The following CCDC186 variants were observed in gnomAD, a reference collection of about 807,000 sequenced individuals.
CCDC186 encodes the protein coiled-coil domain-containing protein 186.
CCDC186 carries 49 observed loss-of-function variants against 113.7 expected under a neutral mutation model. The ratio of observed to expected loss-of-function variants is 0.43; its 90% CI spans 0.34 to 0.55. CCDC186 has a LOEUF of 0.55. CCDC186 is among the 20% of genes least tolerant of loss of function. The pLI is 0.02. For missense variants in CCDC186, 890 were observed against 1,011.1 expected (o/e 0.88, Z 1.62); for synonymous variants, 355 against 345.8 (o/e 1.03, Z -0.30).
At chr10:114,150,070 G>T (rs1028091162) in intron 4 of CCDC186, among the ~76,000 whole-genome samples, 1 of 152,168 alleles carries the variant, frequency 6.6e-6, no homozygotes, top group Non-Finnish European at 1.5e-5. Context: ...CCAAATAAAG[G>T]CTGAGGATAA....
Position 114,131,161 on chromosome 10 carries a change from T to G in CCDC186, c.2087A>C (p.Lys696Thr). 1 of 1,542,004 alleles carries G rather than the reference T, an allele frequency of 6.5e-7. No homozygotes were observed. Among genetic ancestry groups the G allele is most frequent in the Non-Finnish European group, 8.7e-7 (1 of 1,149,126 alleles). ...KHASSIKDLT[K>T]QLQQARRKLD... ...GAATTTTATACCTTGCTGAAGTTGT[T>G]TGGTGAGATCCTTGATACTAGAGGC... Residue 696 changes from lysine (K) to threonine (T), a missense_variant, in exon 12 of 16, where the codon AAA (lysine) becomes ACA (threonine). Transcript: ENST00000369287.
At position 114,167,038 on chromosome 10, in the gene CCDC186, T is replaced by C. The variant is rs891303143; in HGVS notation, c.-61-3709A>G. On this transcript the variant is annotated intron_variant, in intron 1 of 15. Transcript: ENST00000369287. The stretch of plus-strand genomic sequence containing the variant: ...TGGTTTTTTTTTTTTTTTTTTTTTT[T>C]AAAGATGGAGTCTCGCTCTGTTGCC... Among the ~76,000 whole-genome samples the C allele has an allele frequency of 4.2e-5, 6 of 143,092 alleles. No individual in the cohort carries two copies. The Admixed American group carries it at 4.2e-4, about 10-fold the overall frequency. 93.9% of individuals were successfully genotyped at this position (143,092 alleles called of 152,430 possible). A position where few individuals can be genotyped will look rare whatever the true frequency, so the allele number is the denominator to read the frequency against.
In CCDC186 at chr10:114,162,756, T is replaced by C. The variant is rs781294695; in HGVS notation, c.513A>G (p.Leu171=). 1 of 1,613,974 alleles carries C rather than the reference T, an allele frequency of 6.2e-7. No individual in the cohort carries two copies. The highest frequency in any genetic ancestry group is 8.5e-7 in the Non-Finnish European group (1 of 1,179,900). The change falls in exon 2 of 16, where the codon TTA becomes TTG. Residue 171 remains leucine (L), a synonymous_variant. Coordinates refer to ENST00000369287, the MANE Select transcript of CCDC186 (RefSeq NM_018017.4). Reference sequence around the variant, plus strand: ...CTCGATGTTCTGCAAACTCCGTAGATAAGAGCTCAGATTCTATTTCTTCCA... The same window carrying C: ...CTCGATGTTCTGCAAACTCCGTAGACAAGAGCTCAGATTCTATTTCTTCCA... ...DLLEEIESEL[L]STEFAEHRVP...
At chr10:114,138,055 AAAAAAAAAAAAAAAAAAAT>A (rs1564908422) in intron 6 of CCDC186, among the ~76,000 whole-genome samples, 3 of 100,510 alleles carry the variant, frequency 3.0e-5, no homozygotes, top group East Asian at 4.8e-4. Context: ...AAAAAAAAAA[AAAAAAAAAAAAAAAAAAAT>A]AAAAAAAATA....
At chr10:114,164,744 G>C (rs2032286965) in intron 1 of CCDC186, among the ~76,000 whole-genome samples, 1 of 152,152 alleles carries the variant, frequency 6.6e-6, no homozygotes, top group African/African-American at 2.4e-5. Context: ...AAAACTAATG[G>C]AGAGATATAC....
chr10:114,145,503 C>T, intron 5 of CCDC186, 46 bp downstream of exon 5: 1 of 1,451,468 alleles, frequency 6.9e-7, no homozygotes, highest in Non-Finnish European at 9.3e-7. Flanking sequence ...GCAAAGAGAA[C>T]AAATTTCAAA....
intron 3 of CCDC186, among the ~76,000 whole-genome samples, chr10:114,155,329 T>C (rs542253762): frequency 6.6e-6 from 1 of 152,312 alleles, no homozygotes; most frequent in South Asian, 2.1e-4. Context: ...CACTGAGCAA[T>C]AGAAGTACAA....
chr10:114,152,620 G>A (rs1026674240), intron 3 of CCDC186, among the ~76,000 whole-genome samples: 4 of 152,128 alleles, frequency 2.6e-5, no homozygotes, highest in South Asian at 2.1e-4. Flanking sequence ...CATGGAAAAC[G>A]AAAGATATGG....
In CCDC186 at chr10:114,134,913, C is replaced by T; in HGVS notation, c.1655G>A (p.Arg552Lys). ...CAAACAGAAGTTGCTCATTTTGTAC[C>T]TTTGAAGCTGCTCCTGTAGCTGATC... is the stretch of plus-strand genomic sequence containing the variant. ...TADQLQEQLQ[R>K]GKQEIENLKE... The change falls in exon 10 of 16, where the codon AGA (arginine) becomes AAA (lysine). Residue 552 changes from arginine (R) to lysine (K), a missense_variant and splice_region_variant. Physicochemically the swap from Arg to Lys is conservative, Grantham distance 26 (BLOSUM62 2). Coordinates refer to ENST00000369287, the MANE Select transcript of CCDC186 (RefSeq NM_018017.4). The T allele has an allele frequency of 6.2e-7, 1 of 1,606,838 alleles. No individual in the cohort carries two copies.
At chr10:114,160,253 C>T (rs950287755) in intron 2 of CCDC186, among the ~76,000 whole-genome samples, 4 of 146,544 alleles carry the variant, frequency 2.7e-5, no homozygotes, top group African/African-American at 1.0e-4. Flanking sequence ...CTGTGTGACA[C>T]AGCACAACTC....
At chr10:114,166,938 TTC>T (rs1222132054) in intron 1 of CCDC186, among the ~76,000 whole-genome samples, 1 of 152,052 alleles carries the variant, frequency 6.6e-6, no homozygotes, top group African/African-American at 2.4e-5. Context: ...TTTCTGTAAC[TTC>T]TGTCAGCAAT....
intron 3 of CCDC186, among the ~76,000 whole-genome samples, 196 bp from the exon 4 acceptor site, chr10:114,151,416 G>C (rs2031853374): frequency 6.6e-6 from 1 of 152,110 alleles, no homozygotes; most frequent in African/African-American, 2.4e-5. Context: ...ATTAAGTTAA[G>C]GTATCTGGCA....
chr10:114,165,224 T>C (rs903482632), intron 1 of CCDC186, among the ~76,000 whole-genome samples: 2 of 152,238 alleles, frequency 1.3e-5, no homozygotes, highest in African/African-American at 4.8e-5. Context: ...AGATATTTTA[T>C]AACCAAGCCA....
intron 8 of CCDC186, 61 bp downstream of exon 8, chr10:114,136,083 TCTCA>T (rs2031250998): frequency 6.6e-7 from 1 of 1,509,100 alleles, no homozygotes; most frequent in African/African-American, 1.4e-5. Flanking sequence ...AGCAATAAGT[TCTCA>T]CTATTTCTCT....
chr10:114,135,863 C>T, intron 9 of CCDC186, 28 bp downstream of exon 9: 1 of 1,517,236 alleles, frequency 6.6e-7, no homozygotes, highest in Non-Finnish European at 9.1e-7. Context: ...TACCCTTCCT[C>T]TGGATTCATG....
intron 6 of CCDC186, among the ~76,000 whole-genome samples, chr10:114,139,667 T>C (rs2031404845): frequency 6.6e-6 from 1 of 152,120 alleles, no homozygotes; most frequent in Non-Finnish European, 1.5e-5. Flanking sequence ...ATATTTTCAG[T>C]TGCTAGTTTT....
intron 13 of CCDC186, 43 bp downstream of exon 13, chr10:114,129,848 T>C (rs1020615906): frequency 6.3e-7 from 1 of 1,579,744 alleles, no homozygotes; most frequent in African/African-American, 1.4e-5. Context: ...TATTTATTTT[T>C]ATATCAATCA....
In CCDC186 at chr10:114,125,136, G is replaced by A. The variant is rs769654783; in HGVS notation, c.*7C>T. On this transcript the variant is annotated 3_prime_UTR_variant, in exon 16 of 16. Coordinates refer to ENST00000369287, the MANE Select transcript of CCDC186 (RefSeq NM_018017.4). ...CTTTTGTCTCTTTACTGAGCAAGAG[G>A]CTTGTTTTAGGTTTTCTTTGTCCTC... is the stretch of plus-strand genomic sequence containing the variant. The A allele has an allele frequency of 3.8e-6, 6 of 1,593,488 alleles. No individual in the cohort carries two copies. In the South Asian group the frequency reaches 6.7e-5, roughly 18 times the overall value.
intron 9 of CCDC186, 136 bp from the exon 10 acceptor site, chr10:114,135,191 C>T (rs1282427022): frequency 9.1e-6 from 8 of 880,064 alleles, no homozygotes; most frequent in Admixed American, 4.1e-5. Flanking sequence ...GCGAAGTTTA[C>T]AATCCTAGCT....
Sources: allele counts gnomAD v4.1 joint callset (sites outside exome capture counted in the v4.1 genomes callset), GRCh38; gene constraint gnomAD v4.1.1; transcripts MANE v1.5; gene names NCBI Gene and HGNC (gene_info 2026-07-23, HGNC 2026-07-21).